Variants in CDK6 observed in about 807,000 individuals in gnomAD.
CDK6 encodes cyclin-dependent kinase 6.
A neutral mutation model predicts 37.1 loss-of-function variants in CDK6; 6 were observed. That is an observed-to-expected ratio of 0.16 (90% CI 0.09 to 0.32). The LOEUF (loss-of-function observed/expected upper bound fraction) is 0.32, where lower values mean the gene tolerates loss of function less well. Among genes scored for constraint, CDK6 ranks in the 10% least tolerant of loss-of-function variants. The pLI is 1.00. For missense variants in CDK6, 224 were observed against 418.9 expected (o/e 0.53, Z 4.06); for synonymous variants, 160 against 161.3 (o/e 0.99, Z 0.06).
chr7:92,833,076 A>T lies in CDK6; in HGVS notation c.233+15T>A. ...GCGAGGCCCCAGATGGCGAGGGCGCAGCTCCCTGGCTCACCTGACCACGTT... is the reference window on the plus strand; with the variant it reads ...GCGAGGCCCCAGATGGCGAGGGCGCTGCTCCCTGGCTCACCTGACCACGTT... On this transcript the variant is annotated intron_variant, in intron 2 of 7. Coordinates refer to ENST00000424848, the MANE Select transcript of CDK6 (RefSeq NM_001145306.2). The surrounding 1 kb of genome is among the most constrained non-coding windows in gnomAD (Gnocchi z 6.1). 6.5e-7 allele frequency: 1 copy of T among 1,537,630 alleles called. No individual in the cohort carries two copies. Among genetic ancestry groups the T allele is most frequent in the Non-Finnish European group, 8.8e-7 (1 of 1,137,228 alleles).
intron 2 of CDK6, among the ~76,000 whole-genome samples, chr7:92,797,597 G>C (rs1800447561): frequency 6.6e-6 from 1 of 152,044 alleles, no homozygotes; most frequent in Non-Finnish European, 1.5e-5. Context: ...AAAAGGCCCT[G>C]GCCCTCAGAC....
chr7:92,646,304 T>C (rs888843195), intron 5 of CDK6, among the ~76,000 whole-genome samples: 2 of 152,212 alleles, frequency 1.3e-5, no homozygotes, highest in Middle Eastern at 3.2e-3. Context: ...ATGTAAGTTA[T>C]AACCTCCTTC....
At chr7:92,690,433 G>A (rs1421078989) in intron 4 of CDK6, among the ~76,000 whole-genome samples, 1 of 152,120 alleles carries the variant, frequency 6.6e-6, no homozygotes, top group Non-Finnish European at 1.5e-5. Flanking sequence ...AGTTGTAGGT[G>A]TGCGGTTTTA....
At chr7:92,622,130 T>C (rs1305862786) in intron 6 of CDK6, among the ~76,000 whole-genome samples, 1 of 151,496 alleles carries the variant, frequency 6.6e-6, no homozygotes, top group Non-Finnish European at 1.5e-5. Context: ...TTTTTCCTAC[T>C]CCACTCCAAT....
At chr7:92,683,162 G>A in intron 4 of CDK6, among the ~76,000 whole-genome samples, 1 of 151,618 alleles carries the variant, frequency 6.6e-6, no homozygotes, top group East Asian at 1.9e-4. Context: ...CACAGGATAT[G>A]GCAGGCTGCA....
chr7:92,662,733 C>T (rs1241392370), intron 5 of CDK6, among the ~76,000 whole-genome samples: 1 of 152,136 alleles, frequency 6.6e-6, no homozygotes, highest in Non-Finnish European at 1.5e-5. Context: ...TTTACTCTTA[C>T]TCTGTAGTGA....
At chr7:92,708,675 GAAAA>G (rs992098617) in intron 4 of CDK6, among the ~76,000 whole-genome samples, 2 of 151,454 alleles carry the variant, frequency 1.3e-5, no homozygotes, top group Non-Finnish European at 3.0e-5. Flanking sequence ...GTTTGTAAAA[GAAAA>G]AAAAGTCATT....
chr7:92,618,325 G>A (rs1795726230), intron 6 of CDK6, 118 bp from the exon 7 acceptor site: 7 of 948,778 alleles, frequency 7.4e-6, no homozygotes, highest in Admixed American at 7.1e-5. Flanking sequence ...AGTCCCAGGA[G>A]ACCTTCACTT....
In CDK6 at chr7:92,613,941, G is replaced by A. The variant is rs1795616995; in HGVS notation, c.*1199C>T. ...AAGGTTCATTGAAAGCAAGCAAACA[G>A]GTGGTGCATGGGAACAGCTTAAGCA... On this transcript the variant is annotated 3_prime_UTR_variant, in exon 8 of 8. Transcript: ENST00000424848. 4.3e-6 allele frequency: 1 copy of A among 233,158 alleles called. No homozygotes were observed. Among genetic ancestry groups the A allele is most frequent in the Admixed American group, 5.6e-5 (1 of 17,788 alleles). 14.4% of individuals were successfully genotyped at this position (233,158 alleles called of 1,614,324 possible).
At position 92,604,981 on chromosome 7, in the gene CDK6, AAAGT is replaced by A. The variant is rs1460772196; in HGVS notation, c.*10155_*10158del. On this transcript the variant is annotated 3_prime_UTR_variant, in exon 8 of 8. Coordinates refer to ENST00000424848, the MANE Select transcript of CDK6 (RefSeq NM_001145306.2). ...ACTACAGTTATACTCATTTTACATT[AAAGT>A]AAAAAAGAAAATAGCCAGGAGAGTA... 4.5e-6 allele frequency: 1 copy of A among 222,254 alleles called. No homozygotes were observed. Among genetic ancestry groups the A allele is most frequent in the Middle Eastern group, 1.3e-3 (1 of 746 alleles). The allele number at this position is 222,254 out of a possible 1,614,324, so 13.8% of individuals were successfully genotyped here. A position where few individuals can be genotyped will look rare whatever the true frequency, so the allele number is the denominator to read the frequency against.
At chr7:92,649,933 C>G (rs549333868) in intron 5 of CDK6, among the ~76,000 whole-genome samples, 2 of 152,286 alleles carry the variant, frequency 1.3e-5, no homozygotes, top group East Asian at 3.9e-4. Flanking sequence ...ACAACCAGAC[C>G]TTGTGCTAAC....
At chr7:92,659,626 A>ACACACACAC (rs987627374) in intron 5 of CDK6, among the ~76,000 whole-genome samples, 1 of 149,850 alleles carries the variant, frequency 6.7e-6, no homozygotes, top group African/African-American at 2.5e-5. Context: ...ACACACACAC[A>ACACACACAC]CACACACACC....
intron 4 of CDK6, among the ~76,000 whole-genome samples, chr7:92,712,110 A>T (rs1451510472): frequency 6.6e-6 from 1 of 151,430 alleles, no homozygotes; most frequent in Admixed American, 6.6e-5. Context: ...CAGTGAGCCG[A>T]GAGAGCGCCA....
At chr7:92,681,308 G>A (rs777901743) in intron 4 of CDK6, among the ~76,000 whole-genome samples, 1 of 152,300 alleles carries the variant, frequency 6.6e-6, no homozygotes, top group African/African-American at 2.4e-5. Flanking sequence ...TGGGGGAAGA[G>A]AGCCACTCAG....
At chr7:92,616,533 G>A (rs1795681556) in intron 7 of CDK6, among the ~76,000 whole-genome samples, 1 of 152,192 alleles carries the variant, frequency 6.6e-6, no homozygotes. Flanking sequence ...GGTTCCAACT[G>A]TCTCTAACAG....
At chr7:92,755,193 G>A (rs1411767706) in intron 3 of CDK6, among the ~76,000 whole-genome samples, 1 of 152,066 alleles carries the variant, frequency 6.6e-6, no homozygotes, top group East Asian at 1.9e-4. Context: ...GACACTCCTT[G>A]CTAACAGGAA....
At chr7:92,626,249 ATATAAT>A (rs977747907) in intron 5 of CDK6, among the ~76,000 whole-genome samples, 1 of 152,062 alleles carries the variant, frequency 6.6e-6, no homozygotes, top group African/African-American at 2.4e-5. Flanking sequence ...ATTTCAAAGT[ATATAAT>A]TATAATGTAT....
At chr7:92,765,485 A>G (rs1382458508) in intron 3 of CDK6, among the ~76,000 whole-genome samples, 1 of 152,168 alleles carries the variant, frequency 6.6e-6, no homozygotes, top group Non-Finnish European at 1.5e-5. Context: ...GCAAGTGCAA[A>G]GTGAATGTGC....
intron 2 of CDK6, among the ~76,000 whole-genome samples, chr7:92,788,668 T>C (rs559777239): frequency 2.6e-4 from 40 of 152,196 alleles, no homozygotes; most frequent in Non-Finnish European, 4.4e-4. Context: ...ATGAGGCACA[T>C]TGTAATTAAA....
Sources: allele counts gnomAD v4.1 joint callset (sites outside exome capture counted in the v4.1 genomes callset), GRCh38; gene constraint gnomAD v4.1.1; non-coding constraint Gnocchi (gnomAD v3.1); transcripts MANE v1.5; gene names NCBI Gene and HGNC (gene_info 2026-07-23, HGNC 2026-07-21).